The following DPP10 variants were observed in gnomAD, a reference collection of about 807,000 sequenced individuals.
The protein encoded by DPP10 is inactive dipeptidyl peptidase 10.
A neutral mutation model predicts 120.9 loss-of-function variants in DPP10; 33 were observed. That is an observed-to-expected ratio of 0.27 (90% CI 0.21 to 0.37). The LOEUF (loss-of-function observed/expected upper bound fraction) is 0.37, where lower values mean the gene tolerates loss of function less well. DPP10 is among the 10% of genes least tolerant of loss of function. The probability of loss-of-function intolerance (pLI) is 1.00; values close to 1 mark genes in which losing one functional copy is unlikely to be tolerated. For missense variants in DPP10, 816 were observed against 942.8 expected (o/e 0.87, Z 1.76); for synonymous variants, 337 against 326.1 (o/e 1.03, Z -0.36).
intron 1 of DPP10, among the ~76,000 whole-genome samples, chr2:115,027,005 G>A (rs1703510426): frequency 6.6e-6 from 1 of 151,978 alleles, no homozygotes; most frequent in Non-Finnish European, 1.5e-5. Context: ...TTTTATCAAT[G>A]TTTTAAACGT....
intron 1 of DPP10, among the ~76,000 whole-genome samples, chr2:114,796,131 C>T (rs533289737): frequency 6.6e-6 from 1 of 152,288 alleles, no homozygotes; most frequent in South Asian, 2.1e-4. Context: ...AAAGCGATCT[C>T]TCACGATTCT....
At chr2:114,754,460 C>T (rs963145676) in intron 1 of DPP10, among the ~76,000 whole-genome samples, 5 of 152,296 alleles carry the variant, frequency 3.3e-5, no homozygotes, top group Non-Finnish European at 5.9e-5. Flanking sequence ...GGGCATGTCT[C>T]TAAGTCTAGA....
At chr2:115,223,042 T>C (rs909392679) in intron 1 of DPP10, among the ~76,000 whole-genome samples, 68 of 152,276 alleles carry the variant, frequency 4.5e-4, no homozygotes, top group African/African-American at 1.6e-3. Context: ...TTTCATAACA[T>C]ATATCTGTGA....
intron 1 of DPP10, among the ~76,000 whole-genome samples, chr2:114,562,416 G>A (rs1367183): frequency 0.29 from 43,907 of 151,966 alleles, 7,741 homozygotes; most frequent in African/African-American, 0.51. Flanking sequence ...ATTATTTAAA[G>A]TCAGAATAGC....
intron 1 of DPP10, among the ~76,000 whole-genome samples, chr2:114,564,451 C>G (rs1362509078): frequency 6.6e-6 from 1 of 152,128 alleles, no homozygotes; most frequent in Non-Finnish European, 1.5e-5. Flanking sequence ...AGCACCTACT[C>G]TTCCCCCTAT....
At position 114,598,118 on chromosome 2, in the gene DPP10, A is replaced by C. The variant is rs536732757; in HGVS notation, c.60+155280A>C. ...GAAACAGCACAAGCAATGGCATAATATGAAAAGGGTGGCAGGAAAGCACAT... is the reference window on the plus strand; with the variant it reads ...GAAACAGCACAAGCAATGGCATAATCTGAAAAGGGTGGCAGGAAAGCACAT... On this transcript the variant is annotated intron_variant, in intron 1 of 25. Coordinates refer to ENST00000410059, the MANE Select transcript of DPP10 (RefSeq NM_020868.6). Among the ~76,000 whole-genome samples, 35 of 151,998 alleles carry C rather than the reference A, an allele frequency of 2.3e-4. No homozygotes were observed. In the East Asian group the frequency reaches 6.4e-3, roughly 28 times the overall value.
At chr2:115,180,755 A>G (rs920100906) in intron 1 of DPP10, among the ~76,000 whole-genome samples, 10 of 152,204 alleles carry the variant, frequency 6.6e-5, no homozygotes, top group Admixed American at 4.6e-4. Context: ...CTCCAAGGAA[A>G]TGTTTCTAGA....
intron 19 of DPP10, among the ~76,000 whole-genome samples, chr2:115,798,953 A>T (rs188693749): frequency 7.6e-4 from 115 of 152,140 alleles, no homozygotes; most frequent in African/African-American, 2.6e-3. Flanking sequence ...ATGTCTTTGT[A>T]GCCTGTATGA....
intron 1 of DPP10, among the ~76,000 whole-genome samples, chr2:115,172,906 G>A (rs2105074231): frequency 6.6e-6 from 1 of 152,262 alleles, no homozygotes; most frequent in East Asian, 1.9e-4. Context: ...CTTTAATATT[G>A]AGCTCCTGTT....
intron 5 of DPP10, among the ~76,000 whole-genome samples, chr2:115,534,858 G>T (rs1185006747): frequency 6.6e-6 from 1 of 151,934 alleles, no homozygotes; most frequent in Non-Finnish European, 1.5e-5. Context: ...TTCTCTGATG[G>T]CCAGTGATGG....
At chr2:114,629,780 A>G (rs1465887154) in intron 1 of DPP10, among the ~76,000 whole-genome samples, 2 of 152,182 alleles carry the variant, frequency 1.3e-5, no homozygotes, top group Admixed American at 6.5e-5. Context: ...TAGCATAAGA[A>G]AATAATTTGT....
intron 1 of DPP10, among the ~76,000 whole-genome samples, chr2:114,744,922 T>G (rs1371685686): frequency 2.0e-5 from 3 of 152,164 alleles, no homozygotes; most frequent in African/African-American, 7.2e-5. Context: ...TTACCACGTC[T>G]GGCCAATTTT....
chr2:115,518,148 G>A (rs1195998150), intron 4 of DPP10, among the ~76,000 whole-genome samples: 2 of 152,148 alleles, frequency 1.3e-5, no homozygotes, highest in East Asian at 1.9e-4. Context: ...TCATGAGGAA[G>A]CCTGTCCCAT....
intron 1 of DPP10, among the ~76,000 whole-genome samples, chr2:114,600,747 A>G (rs1692292987): frequency 6.6e-6 from 1 of 151,928 alleles, no homozygotes. Flanking sequence ...GCTCTTATGC[A>G]TTGGAATAGA....
intron 3 of DPP10, among the ~76,000 whole-genome samples, chr2:115,405,054 A>G (rs1179319211): frequency 1.3e-5 from 2 of 152,196 alleles, no homozygotes; most frequent in African/African-American, 4.8e-5. Flanking sequence ...ACCCATTTCA[A>G]TAGTACCCAA....
At chr2:114,547,340 T>G (rs886720710) in intron 1 of DPP10, among the ~76,000 whole-genome samples, 1 of 152,190 alleles carries the variant, frequency 6.6e-6, no homozygotes, top group African/African-American at 2.4e-5. Context: ...AGGGTCTGGA[T>G]GCAGGCATGG....
chr2:115,375,536 C>A (rs2065728936), intron 3 of DPP10, among the ~76,000 whole-genome samples: 1 of 152,220 alleles, frequency 6.6e-6, no homozygotes, highest in Admixed American at 6.5e-5. Flanking sequence ...TTTCCCAGTT[C>A]CAAAGTCACT....
chr2:115,079,419 G>T (rs540584081), intron 1 of DPP10, among the ~76,000 whole-genome samples: 1 of 151,438 alleles, frequency 6.6e-6, no homozygotes. Context: ...AGAGATTAAC[G>T]GGGATGACAG....
chr2:115,068,909 TC>T (rs1707142422), intron 1 of DPP10, among the ~76,000 whole-genome samples: 1 of 152,164 alleles, frequency 6.6e-6, no homozygotes, highest in Non-Finnish European at 1.5e-5. Context: ...TCTATACAAT[TC>T]CATTGGGCTG....
Sources: gnomAD v4.1 joint callset for allele counts (sites outside exome capture counted in the v4.1 genomes callset) on GRCh38, gnomAD v4.1.1 for gene constraint, MANE v1.5 for transcripts, NCBI Gene and HGNC (gene_info 2026-07-23, HGNC 2026-07-21) for gene names.